The following CCDC148 variants were observed in gnomAD, a reference collection of about 807,000 sequenced individuals.
CCDC148 encodes the protein coiled-coil domain containing 148, also known as coiled-coil domain-containing protein 148.
Under a neutral mutation model 85.7 loss-of-function variants are expected in CCDC148, and 89 were observed. The observed-to-expected ratio is 1.04, with a 90% CI of 0.87 to 1.24. The LOEUF is 1.24. CCDC148 is among the 50% of genes most tolerant of loss of function. CCDC148 has a pLI of 0.00. For missense variants in CCDC148, 692 were observed against 671.7 expected (o/e 1.03, Z -0.33); for synonymous variants, 230 against 213.9 (o/e 1.08, Z -0.66).
At chr2:158,390,759 C>A (rs1349884849) in intron 1 of CCDC148, among the ~76,000 whole-genome samples, 1 of 152,108 alleles carries the variant, frequency 6.6e-6, no homozygotes. Context: ...GTGTCTTTTG[C>A]GCTACCTTTT....
At chr2:158,279,892 G>A (rs200621196) in intron 9 of CCDC148, among the ~76,000 whole-genome samples, 15 of 149,960 alleles carry the variant, frequency 1.0e-4, no homozygotes, top group Admixed American at 8.0e-4. Context: ...TCGGGTTACC[G>A]ACAAAGGGAA....
At chr2:158,309,027 G>A (rs1382126272) in intron 9 of CCDC148, among the ~76,000 whole-genome samples, 1 of 152,078 alleles carries the variant, frequency 6.6e-6, no homozygotes, top group Non-Finnish European at 1.5e-5. Flanking sequence ...TCATCATAAA[G>A]CCTCTCTTCT....
intron 10 of CCDC148, among the ~76,000 whole-genome samples, chr2:158,242,752 T>C (rs183417832): frequency 2.6e-5 from 4 of 151,962 alleles, no homozygotes; most frequent in Non-Finnish European, 5.9e-5. Flanking sequence ...CAGGTCTTAA[T>C]GAGGTTGTTA....
chr2:158,322,795 T>C (rs1692580093), intron 7 of CCDC148, among the ~76,000 whole-genome samples: 1 of 152,072 alleles, frequency 6.6e-6, no homozygotes, highest in South Asian at 2.1e-4. Flanking sequence ...TAAATCATTG[T>C]GGGTTTTAAA....
In CCDC148 at chr2:158,372,310, C is replaced by T. The variant is rs1021705890; in HGVS notation, c.26-13740G>A. 5.9e-5 allele frequency among the ~76,000 whole-genome samples: 9 copies of T among 152,016 alleles called. No homozygotes were observed. The South Asian group carries it at 6.2e-4, about 10-fold the overall frequency. On this transcript the variant is annotated intron_variant, in intron 1 of 13. Transcript: ENST00000283233. ...ACTGTCTCGAAATTCTGACCAGAAA[C>T]TATGACTGGGAGTTTTGAGTTTTGA... is the stretch of plus-strand genomic sequence containing the variant.
chr2:158,338,843 C>T lies in CCDC148; in HGVS notation c.647G>A (p.Ser216Asn), dbSNP rs370762751. The change falls in exon 7 of 14, where the codon AGT becomes AAT. Residue 216 changes from serine to asparagine, a missense_variant. By Grantham distance (46) the Ser-to-Asn change is conservative. Coordinates refer to ENST00000283233, the MANE Select transcript of CCDC148 (RefSeq NM_138803.4). ...PLSELPIELESLECPYPDLKS... is the reference protein window; with the variant it reads ...PLSELPIELENLECPYPDLKS... The stretch of plus-strand genomic sequence containing the variant: ...CAAATCAGGGTATGGGCATTCCAAA[C>T]TTTCTAATTCAATGGGCAGTTCACT... The T allele has an allele frequency of 1.9e-6, 3 of 1,612,584 alleles. No individual in the cohort carries two copies. Among genetic ancestry groups the T allele is most frequent in the Non-Finnish European group, 2.5e-6 (3 of 1,179,640 alleles).
At chr2:158,251,346 A>G (rs1297386566) in intron 9 of CCDC148, among the ~76,000 whole-genome samples, 2 of 151,858 alleles carry the variant, frequency 1.3e-5, no homozygotes, top group African/African-American at 4.8e-5. Context: ...TAAGAATGGA[A>G]AACAGGCCTG....
chr2:158,313,459 A>C (rs1331660525), intron 8 of CCDC148, among the ~76,000 whole-genome samples: 1 of 152,196 alleles, frequency 6.6e-6, no homozygotes, highest in Non-Finnish European at 1.5e-5. Flanking sequence ...GGCTGTATGG[A>C]CATCCAGGAG....
At chr2:158,341,928 CACTA>C (rs1015490515) in intron 3 of CCDC148, among the ~76,000 whole-genome samples, 5 of 139,038 alleles carry the variant, frequency 3.6e-5, no homozygotes, top group Non-Finnish European at 6.2e-5. Context: ...TTTTTACTAA[CACTA>C]ACTTTTTTTT....
intron 1 of CCDC148, among the ~76,000 whole-genome samples, chr2:158,442,815 A>C (rs1396543434): frequency 6.6e-6 from 1 of 152,214 alleles, no homozygotes; most frequent in Non-Finnish European, 1.5e-5. Context: ...TAACTCATTA[A>C]ATACTCACAA....
chr2:158,195,744 C>G (rs1444394634), intron 11 of CCDC148, among the ~76,000 whole-genome samples: 1 of 152,160 alleles, frequency 6.6e-6, no homozygotes, highest in Non-Finnish European at 1.5e-5. Context: ...ATAGAAATAT[C>G]ACCTCCACAT....
At chr2:158,309,066 T>C (rs568864491) in intron 9 of CCDC148, among the ~76,000 whole-genome samples, 2 of 152,304 alleles carry the variant, frequency 1.3e-5, no homozygotes, top group African/African-American at 4.8e-5. Context: ...TTGCTATCTT[T>C]GATGTGAATG....
intron 1 of CCDC148, among the ~76,000 whole-genome samples, chr2:158,421,083 T>C (rs1379030617): frequency 6.6e-6 from 1 of 152,160 alleles, no homozygotes; most frequent in Non-Finnish European, 1.5e-5. Flanking sequence ...CCCAGATTCA[T>C]AAAGCAAGTT....
At chr2:158,347,845 A>C (rs564492226) in intron 2 of CCDC148, among the ~76,000 whole-genome samples, 1 of 152,142 alleles carries the variant, frequency 6.6e-6, no homozygotes, top group Non-Finnish European at 1.5e-5. Flanking sequence ...CGTATGTTTG[A>C]GATATATACA....
At chr2:158,286,830 G>A (rs1690648874) in intron 9 of CCDC148, among the ~76,000 whole-genome samples, 1 of 152,104 alleles carries the variant, frequency 6.6e-6, no homozygotes, top group Non-Finnish European at 1.5e-5. Context: ...AAAAAAACAA[G>A]TCTAGGATTA....
chr2:158,449,902 C>T (rs1688326200), intron 1 of CCDC148, among the ~76,000 whole-genome samples: 1 of 152,170 alleles, frequency 6.6e-6, no homozygotes, highest in Non-Finnish European at 1.5e-5. Context: ...CAACAAAGTT[C>T]CCTTCTATTC....
intron 7 of CCDC148, among the ~76,000 whole-genome samples, chr2:158,334,714 T>C (rs1469499258): frequency 6.6e-6 from 1 of 152,066 alleles, no homozygotes; most frequent in African/African-American, 2.4e-5. Context: ...AATTAAATCA[T>C]TATATTTTTC....
At chr2:158,179,444 G>A (rs959292797) in intron 11 of CCDC148, among the ~76,000 whole-genome samples, 1 of 151,968 alleles carries the variant, frequency 6.6e-6, no homozygotes, top group Non-Finnish European at 1.5e-5. Flanking sequence ...GGAATTCATA[G>A]TAATTCTAAT....
chr2:158,258,139 T>C (rs1457234571), intron 9 of CCDC148, among the ~76,000 whole-genome samples: 3 of 151,860 alleles, frequency 2.0e-5, no homozygotes, highest in South Asian at 2.1e-4. Context: ...TGCAAGATAA[T>C]AGAATGGAAA....
Sources: allele counts gnomAD v4.1 joint callset (sites outside exome capture counted in the v4.1 genomes callset), GRCh38; gene constraint gnomAD v4.1.1; transcripts MANE v1.5; gene names NCBI Gene and HGNC (gene_info 2026-07-23, HGNC 2026-07-21).